Variants in CUX1 observed in about 807,000 individuals in gnomAD.
The protein encoded by CUX1 is cut like homeobox 1, also known as protein CASP.
Under a neutral mutation model 158.8 loss-of-function variants are expected in CUX1, and 31 were observed. The ratio of observed to expected loss-of-function variants is 0.20; its 90% CI spans 0.15 to 0.26. The LOEUF (loss-of-function observed/expected upper bound fraction) is 0.26, where lower values mean the gene tolerates loss of function less well. Ranked by LOEUF, CUX1 falls within the 10% of genes least tolerant of loss-of-function variation. The probability of loss-of-function intolerance (pLI) is 1.00; values close to 1 mark genes in which losing one functional copy is unlikely to be tolerated. For missense variants in CUX1, 1,589 were observed against 2,014.6 expected (o/e 0.79, Z 4.04); for synonymous variants, 879 against 862.1 (o/e 1.02, Z -0.34).
intron 8 of CUX1, among the ~76,000 whole-genome samples, chr7:102,122,995 C>G (rs927435354): frequency 8.5e-5 from 13 of 152,088 alleles, no homozygotes; most frequent in African/African-American, 3.1e-4. Context: ...CTCTGGGAGG[C>G]CGAGATGGGT....
At chr7:102,245,365 A>G (rs1403541146) in intron 23 of CUX1, among the ~76,000 whole-genome samples, 2 of 152,060 alleles carry the variant, frequency 1.3e-5, no homozygotes, top group South Asian at 2.1e-4. Flanking sequence ...TTTTATAGAT[A>G]TATCATCTTA....
chr7:102,106,653 C>T (rs1554488541), intron 6 of CUX1, among the ~76,000 whole-genome samples: 3 of 152,198 alleles, frequency 2.0e-5, no homozygotes, highest in African/African-American at 7.2e-5. Flanking sequence ...GCCTCTTAAT[C>T]TGAGTACAGA....
chr7:102,007,363 G>T (rs915848772), intron 2 of CUX1, among the ~76,000 whole-genome samples: 1 of 151,994 alleles, frequency 6.6e-6, no homozygotes, highest in African/African-American at 2.4e-5. Flanking sequence ...TTTAGTTGTT[G>T]CAGCCTTTCT....
intron 2 of CUX1, among the ~76,000 whole-genome samples, chr7:101,936,088 C>T (rs1806896832): frequency 6.6e-6 from 1 of 152,200 alleles, no homozygotes; most frequent in Non-Finnish European, 1.5e-5. Flanking sequence ...GCCAAGGTCC[C>T]TGCCCTCGCG....
chr7:102,283,461 G>A, exon 23 of CUX1: 1 of 270,592 alleles, frequency 3.7e-6, no homozygotes, highest in Non-Finnish European at 7.4e-6. Context: ...GCTTGGGCCT[G>A]TCTGCACTGC....
chr7:102,266,218 A>AG (rs1554545031), intron 14 of CUX1, among the ~76,000 whole-genome samples: 1 of 150,332 alleles, frequency 6.7e-6, no homozygotes, highest in African/African-American at 2.5e-5. Flanking sequence ...AAAAAAAAAA[A>AG]AAGAGAGAGA....
chr7:102,115,563 G>A lies in CUX1; in HGVS notation c.674+290G>A, dbSNP rs116638145. On this transcript the variant is annotated intron_variant, in intron 8 of 23. Transcript: ENST00000292535. ...TGACACATGGGACATTTTTTGTGTG[G>A]AGTTGAGTCTGGGTAAATCACATGT... The A allele has an allele frequency of 8.5e-3, 2,676 of 316,226 alleles. 56 individuals carry two copies. Among genetic ancestry groups the A allele is most frequent in the African/African-American group, 0.051 (2,362 of 46,332 alleles). 19.6% of individuals were successfully genotyped at this position (316,226 alleles called of 1,614,324 possible). A position where few individuals can be genotyped will look rare whatever the true frequency, so the allele number is the denominator to read the frequency against.
At chr7:101,874,209 T>G (rs970307091) in intron 1 of CUX1, among the ~76,000 whole-genome samples, 1 of 152,236 alleles carries the variant, frequency 6.6e-6, no homozygotes, top group East Asian at 1.9e-4. Flanking sequence ...GGTACATTCC[T>G]TTCATGCCAG....
intron 1 of CUX1, among the ~76,000 whole-genome samples, chr7:101,876,794 C>T (rs1022483828): frequency 1.3e-5 from 2 of 152,082 alleles, no homozygotes; most frequent in African/African-American, 2.4e-5. Context: ...CATGGTTTTC[C>T]ACTATATGAT....
intron 21 of CUX1, among the ~76,000 whole-genome samples, chr7:102,229,299 C>T (rs1300835272): frequency 1.2e-4 from 14 of 119,992 alleles, no homozygotes; most frequent in African/African-American, 4.4e-4. Context: ...TACGGTGTTT[C>T]ATCTTTTTTT....
At chr7:102,015,164 A>C (rs1439771439) in intron 2 of CUX1, among the ~76,000 whole-genome samples, 1 of 152,228 alleles carries the variant, frequency 6.6e-6, no homozygotes, top group African/African-American at 2.4e-5. Flanking sequence ...ATAAACGTGA[A>C]GTCAGGCATC....
At chr7:101,979,691 C>T (rs1436397421) in intron 2 of CUX1, among the ~76,000 whole-genome samples, 1 of 151,966 alleles carries the variant, frequency 6.6e-6, no homozygotes, top group African/African-American at 2.4e-5. Context: ...GCTCTGTCAT[C>T]CAGGCTGGAG....
intron 11 of CUX1, among the ~76,000 whole-genome samples, chr7:102,179,026 G>A (rs532271099): frequency 7.9e-5 from 12 of 151,856 alleles, no homozygotes; most frequent in African/African-American, 1.7e-4. Flanking sequence ...CACCATGCCC[G>A]GCTTATTTGT....
chr7:102,195,652 G>C, intron 14 of CUX1, 49 bp downstream of exon 14: 1 of 1,520,856 alleles, frequency 6.6e-7, no homozygotes, highest in Non-Finnish European at 8.9e-7. Flanking sequence ...TCGCTTCCAG[G>C]GGTCGGTCGA....
At chr7:102,220,788 T>G (rs1174074965) in intron 20 of CUX1, among the ~76,000 whole-genome samples, 3 of 152,166 alleles carry the variant, frequency 2.0e-5, no homozygotes, top group African/African-American at 7.2e-5. Context: ...TATTTGTGTT[T>G]TTTTATTTTG....
chr7:102,059,509 G>A (rs1824534115), intron 3 of CUX1, among the ~76,000 whole-genome samples: 1 of 151,788 alleles, frequency 6.6e-6, no homozygotes, highest in Non-Finnish European at 1.5e-5. Flanking sequence ...GCAGGTGCCT[G>A]TAGTCCCAGC....
In CUX1 at chr7:102,256,615, CA is replaced by C. The variant is rs1211673873; in HGVS notation, c.*7580del. On this transcript the variant is annotated 3_prime_UTR_variant, in exon 24 of 24. Coordinates refer to ENST00000292535, the MANE Select transcript of CUX1 (RefSeq NM_181552.4). ...CTTTTTAAATGAGAGTGTTTATGAACAAAAAAATTTACCAACGTGTGAGGGA... is the reference window on the plus strand; with the variant it reads ...CTTTTTAAATGAGAGTGTTTATGAACAAAAAATTTACCAACGTGTGAGGGA... 2.0e-5 allele frequency: 20 copies of C among 985,300 alleles called. No homozygotes were observed. The highest frequency in any genetic ancestry group is 1.1e-4 in the East Asian group (1 of 8,792). 61.0% of individuals were successfully genotyped at this position (985,300 alleles called of 1,614,324 possible). A position where few individuals can be genotyped will look rare whatever the true frequency, so the allele number is the denominator to read the frequency against.
At chr7:102,066,292 CCTT>C (rs1271064761) in intron 3 of CUX1, among the ~76,000 whole-genome samples, 1 of 152,126 alleles carries the variant, frequency 6.6e-6, no homozygotes, top group Non-Finnish European at 1.5e-5. Context: ...GGTTTCTCCT[CCTT>C]ATTGGATCCA....
chr7:101,841,840 A>G (rs1228864392), intron 1 of CUX1, among the ~76,000 whole-genome samples: 1 of 152,124 alleles, frequency 6.6e-6, no homozygotes, highest in Non-Finnish European at 1.5e-5. Flanking sequence ...GATTACAGGC[A>G]TGAGCCACCA....
Sources: gnomAD v4.1 joint callset for allele counts (sites outside exome capture counted in the v4.1 genomes callset) on GRCh38, gnomAD v4.1.1 for gene constraint, MANE v1.5 for transcripts, NCBI Gene and HGNC (gene_info 2026-07-23, HGNC 2026-07-21) for gene names.